The following GMEB2 variants were observed in gnomAD, a reference collection of about 807,000 sequenced individuals.
GMEB2 encodes the protein glucocorticoid modulatory element-binding protein 2.
GMEB2 carries 7 observed loss-of-function variants against 45.7 expected under a neutral mutation model. The observed-to-expected ratio is 0.15, with a 90% CI of 0.09 to 0.29. The LOEUF (loss-of-function observed/expected upper bound fraction) is 0.29. Among genes scored for constraint, GMEB2 ranks in the 10% least tolerant of loss-of-function variants. The pLI is 1.00. For missense variants in GMEB2, 582 were observed against 739.2 expected (o/e 0.79, Z 2.47); for synonymous variants, 322 against 323.6 (o/e 1.00, Z 0.05).
In GMEB2 at chr20:63,589,263, G is replaced by GCACT. The variant is rs1464225037; in HGVS notation, c.*822_*825dup. On this transcript the variant is annotated 3_prime_UTR_variant, in exon 10 of 10. Coordinates refer to ENST00000370077, the MANE Select transcript of GMEB2 (RefSeq NM_012384.5). ...CCAGGACCTCCGCACCCGGTCAAGT[G>GCACT]CACTCACAGGGGCTCAGGGGCCACC... 2.5e-6 allele frequency: 1 copy of GCACT among 398,654 alleles called. No homozygotes were observed. The highest frequency in any genetic ancestry group is 4.4e-5 in the Admixed American group (1 of 22,724). 24.7% of individuals were successfully genotyped at this position (398,654 alleles called of 1,614,324 possible). A position where few individuals can be genotyped will look rare whatever the true frequency, so the allele number is the denominator to read the frequency against.
rs776797501 is a variant in GMEB2 at position 63,593,661 on chromosome 20, C to T, written c.620-579G>A. 4.6e-5 allele frequency among the ~76,000 whole-genome samples: 7 copies of T among 151,942 alleles called. No individual in the cohort carries two copies. The highest frequency in any genetic ancestry group is 7.3e-5 in the African/African-American group (3 of 41,302). On this transcript the variant is annotated intron_variant, in intron 6 of 9. Transcript: ENST00000370077. The surrounding 1 kb of genome is among the most constrained non-coding windows in gnomAD (Gnocchi z 4.7). Reference sequence around the variant, plus strand: ...CTCGCGCCTGCAGAACACAACTGGGCGTGTCGTTCATATGTGGCCATTTTG... The same window carrying T: ...CTCGCGCCTGCAGAACACAACTGGGTGTGTCGTTCATATGTGGCCATTTTG...
At chr20:63,605,447 C>T (rs1469476191) in intron 2 of GMEB2, among the ~76,000 whole-genome samples, 4 of 149,832 alleles carry the variant, frequency 2.7e-5, no homozygotes, top group African/African-American at 4.9e-5. Context: ...ACCACAGAAT[C>T]ACTTGAACCC....
At chr20:63,591,515 G>A (rs570243609) in intron 9 of GMEB2, among the ~76,000 whole-genome samples, 2 of 152,192 alleles carry the variant, frequency 1.3e-5, no homozygotes, top group East Asian at 3.9e-4. Context: ...CACCCAGACT[G>A]GAGTGCAGTG....
chr20:63,588,620 A>T lies in GMEB2; in HGVS notation c.*1469T>A. On this transcript the variant is annotated 3_prime_UTR_variant, in exon 10 of 10. Coordinates refer to ENST00000370077, the MANE Select transcript of GMEB2 (RefSeq NM_012384.5). ...CAGGGCCCTGGTGACAATGGCGCAG[A>T]GGTGGGGTCTGGGCCGCTCACTGGA... 1 of 397,914 alleles carries T rather than the reference A, an allele frequency of 2.5e-6. No homozygotes were observed. Among genetic ancestry groups the T allele is most frequent in the Non-Finnish European group, 4.4e-6 (1 of 226,080 alleles). The allele number at this position is 397,914 out of a possible 1,614,324, so 24.6% of individuals were successfully genotyped here. A position where few individuals can be genotyped will look rare whatever the true frequency, so the allele number is the denominator to read the frequency against.
intron 3 of GMEB2, among the ~76,000 whole-genome samples, chr20:63,604,164 G>A (rs1217726788): frequency 6.9e-6 from 1 of 144,084 alleles, no homozygotes; most frequent in Non-Finnish European, 1.5e-5. Flanking sequence ...CCAGGAGTTC[G>A]AGACCAGCCT....
chr20:63,616,093 G>A (rs116153721), intron 2 of GMEB2, among the ~76,000 whole-genome samples: 1 of 151,994 alleles, frequency 6.6e-6, no homozygotes, highest in Admixed American at 6.6e-5. Context: ...TAATAAAAAT[G>A]GTTATATTTA....
At chr20:63,610,692 C>A (rs2089563021) in intron 2 of GMEB2, among the ~76,000 whole-genome samples, 1 of 152,216 alleles carries the variant, frequency 6.6e-6, no homozygotes, top group Non-Finnish European at 1.5e-5. Context: ...AAGGCGCATG[C>A]AGACTCTCCA....
rs1373150107 is a variant in GMEB2 at position 63,601,115 on chromosome 20, CATTT to C, written c.357+1846_357+1849del. Reference sequence around the variant, plus strand: ...CTCCCATGCTTTACTTCTCTCTATGCATTTATTTAACATAAATAAATAACATGAA... The same window carrying C: ...CTCCCATGCTTTACTTCTCTCTATGCATTTAACATAAATAAATAACATGAA... On this transcript the variant is annotated intron_variant, in intron 4 of 9. Coordinates refer to ENST00000370077, the MANE Select transcript of GMEB2 (RefSeq NM_012384.5). Among the ~76,000 whole-genome samples, 19 of 152,182 alleles carry C rather than the reference CATTT, an allele frequency of 1.2e-4. 1 individual carries two copies. Among genetic ancestry groups the C allele is most frequent in the Admixed American group, 1.2e-3 (19 of 15,268 alleles).
intron 2 of GMEB2, among the ~76,000 whole-genome samples, chr20:63,616,444 C>A (rs1409206756): frequency 2.0e-5 from 3 of 150,826 alleles, no homozygotes; most frequent in African/African-American, 7.3e-5. Context: ...GACTCCAACT[C>A]AAAAAAAAAT....
Position 63,619,528 on chromosome 20 carries a change from C to G in GMEB2, c.-57-74G>C. 1 of 850,200 alleles carries G rather than the reference C, an allele frequency of 1.2e-6. No homozygotes were observed. Among genetic ancestry groups the G allele is most frequent in the South Asian group, 1.9e-5 (1 of 52,722 alleles). The allele number at this position is 850,200 out of a possible 1,614,324, so 52.7% of individuals were successfully genotyped here. ...CACAACATAGCACTCACAAAGGCATCTCTAATCAGCTCCAAAGACCCACCC... is the reference window on the plus strand; with the variant it reads ...CACAACATAGCACTCACAAAGGCATGTCTAATCAGCTCCAAAGACCCACCC... On this transcript the variant is annotated intron_variant, in intron 1 of 9. Coordinates refer to ENST00000370077, the MANE Select transcript of GMEB2 (RefSeq NM_012384.5). This position sits in a 1 kb window ranked among gnomAD's most constrained non-coding sequence, Gnocchi z 4.6.
In GMEB2 at chr20:63,590,405, G is replaced by A; in HGVS notation, c.1277C>T (p.Pro426Leu). The A allele has an allele frequency of 3.8e-6, 6 of 1,575,938 alleles. No homozygotes were observed. The highest frequency in any genetic ancestry group is 1.1e-5 in the South Asian group (1 of 88,560). Residue 426 changes from proline (P) to leucine (L), a missense_variant, in exon 10 of 10, where the codon CCG becomes CTG. Pro to Leu is a moderately conservative substitution (Grantham distance 98). Transcript: ENST00000370077. ...QAPPASSPAS[P>L]LLGGYTVLAS... ...CAAGACTGTGTATCCCCCGAGCAGC[G>A]GGGAGGCCGGGGAGCTGGCGGGGGG...
chr20:63,609,039 A>T (rs1334167308), intron 2 of GMEB2, among the ~76,000 whole-genome samples: 5 of 28,712 alleles, frequency 1.7e-4, no homozygotes, highest in South Asian at 1.3e-3. Flanking sequence ...CCTCTGACCC[A>T]CACCTCCATT....
chr20:63,626,534 G>A (rs1401174111), intron 1 of GMEB2, among the ~76,000 whole-genome samples: 1 of 85,256 alleles, frequency 1.2e-5, no homozygotes, highest in Non-Finnish European at 2.6e-5. Flanking sequence ...TCCCTGTGGG[G>A]TGGCCCCTGC....
chr20:63,610,664 G>C (rs1313845554), intron 2 of GMEB2, among the ~76,000 whole-genome samples: 1 of 152,240 alleles, frequency 6.6e-6, no homozygotes, highest in Non-Finnish European at 1.5e-5. Flanking sequence ...GCCACGTGGG[G>C]TTCTCTTCTC....
chr20:63,622,876 C>T (rs543189014), intron 1 of GMEB2, among the ~76,000 whole-genome samples: 11 of 152,310 alleles, frequency 7.2e-5, no homozygotes, highest in Non-Finnish European at 1.2e-4. Flanking sequence ...GTACCACCCG[C>T]AGCAAAGACC....
chr20:63,604,948 T>C (rs1240604577), intron 2 of GMEB2, 108 bp from the exon 3 acceptor site: 15 of 728,918 alleles, frequency 2.1e-5, no homozygotes, highest in African/African-American at 1.2e-4. Flanking sequence ...CTCTTCTAAC[T>C]GAATTCAGAA....
chr20:63,614,043 A>G (rs936446235), intron 2 of GMEB2, among the ~76,000 whole-genome samples: 3 of 152,048 alleles, frequency 2.0e-5, no homozygotes, highest in African/African-American at 7.2e-5. Flanking sequence ...ACTGGGCAAC[A>G]CCCACTCCAT....
rs575618857 is a variant in GMEB2 at position 63,593,271 on chromosome 20, C to T, written c.620-189G>A. 6.6e-6 allele frequency among the ~76,000 whole-genome samples: 1 copy of T among 152,312 alleles called. No individual in the cohort carries two copies. Among genetic ancestry groups the T allele is most frequent in the Non-Finnish European group, 1.5e-5 (1 of 68,024 alleles). On this transcript the variant is annotated intron_variant, in intron 6 of 9. Coordinates refer to ENST00000370077, the MANE Select transcript of GMEB2 (RefSeq NM_012384.5). This position sits in a 1 kb window ranked among gnomAD's most constrained non-coding sequence, Gnocchi z 4.7. ...TATATTTTATGGCTATTTTTAATCA[C>T]AGACGTTGTCAAACATACAAAGGAG...
chr20:63,589,199 C>G lies in GMEB2; in HGVS notation c.*890G>C. 1 of 399,198 alleles carries G rather than the reference C, an allele frequency of 2.5e-6. No homozygotes were observed. Among genetic ancestry groups the G allele is most frequent in the East Asian group, 3.5e-5 (1 of 28,210 alleles). The allele number at this position is 399,198 out of a possible 1,614,324, so 24.7% of individuals were successfully genotyped here. A position where few individuals can be genotyped will look rare whatever the true frequency, so the allele number is the denominator to read the frequency against. ...AGCCCTAGGGACACACCTCATGGATCTCAGACCCCTGGGAGGGGCCGGCTC... is the reference window on the plus strand; with the variant it reads ...AGCCCTAGGGACACACCTCATGGATGTCAGACCCCTGGGAGGGGCCGGCTC... On this transcript the variant is annotated 3_prime_UTR_variant, in exon 10 of 10. Coordinates refer to ENST00000370077, the MANE Select transcript of GMEB2 (RefSeq NM_012384.5).
Sources: gnomAD v4.1 joint callset for allele counts (sites outside exome capture counted in the v4.1 genomes callset) on GRCh38, gnomAD v4.1.1 for gene constraint, Gnocchi (gnomAD v3.1) non-coding constraint, MANE v1.5 for transcripts, NCBI Gene and HGNC (gene_info 2026-07-23, HGNC 2026-07-21) for gene names.